Variants in CRHBP observed in about 807,000 individuals in gnomAD.
The protein encoded by CRHBP is corticotropin releasing hormone binding protein, also known as corticotropin-releasing hormone-binding protein.
CRHBP carries 19 observed loss-of-function variants against 34.9 expected under a neutral mutation model. The observed-to-expected ratio is 0.55, with a 90% CI of 0.38 to 0.80. The LOEUF is 0.80. Ranked by LOEUF, CRHBP falls within the 30% of genes least tolerant of loss-of-function variation. CRHBP has a pLI of 0.00. For synonymous variants in CRHBP, 154 were observed against 153.4 expected, an observed-to-expected ratio of 1.00 and a Z score of -0.03; for missense variants, 328 against 409.2, an observed-to-expected ratio of 0.80 and a Z score of 1.71.
chr5:76,973,982 GTTA>G (rs112354774), downstream of CRHBP, among the ~76,000 whole-genome samples: 136 of 147,184 alleles, frequency 9.2e-4, 1 homozygote, highest in Middle Eastern at 3.6e-3. Flanking sequence ...TTTCTAAATC[GTTA>G]TTATTATTAT....
At chr5:76,969,795 G>T (rs893495239), downstream of CRHBP, among the ~76,000 whole-genome samples, 2 of 152,124 alleles carry the variant, frequency 1.3e-5, no homozygotes, top group African/African-American at 4.8e-5. Flanking sequence ...ACAATTTGCA[G>T]AAATCTGAAT....
At chr5:76,975,775 G>A (rs1746014396) in intron 2 of CRHBP, among the ~76,000 whole-genome samples, 1 of 125,244 alleles carries the variant, frequency 8.0e-6, no homozygotes, top group South Asian at 2.6e-4. Flanking sequence ...CTGCACTCCA[G>A]CCTGGGCAAC....
At chr5:76,959,074 C>T (rs1308076025) in intron 5 of CRHBP, 185 bp downstream of exon 5, 5 of 531,432 alleles carry the variant, frequency 9.4e-6, no homozygotes, top group Admixed American at 3.8e-5. Context: ...TTCAGTTATG[C>T]GGCAAGTTGC....
At chr5:76,962,412 T>G (rs1391573843) in intron 5 of CRHBP, among the ~76,000 whole-genome samples, 1 of 152,078 alleles carries the variant, frequency 6.6e-6, no homozygotes, top group African/African-American at 2.4e-5. Flanking sequence ...AGAGTACTTT[T>G]GGGACTAAGA....
chr5:76,956,296 T>A (rs1745667424), intron 4 of CRHBP, among the ~76,000 whole-genome samples: 1 of 152,202 alleles, frequency 6.6e-6, no homozygotes, highest in African/African-American at 2.4e-5. Context: ...TAGACCGATG[T>A]CATGCCCTGA....
intron 6 of CRHBP, among the ~76,000 whole-genome samples, chr5:76,965,431 C>A (rs1413914299): frequency 6.6e-6 from 1 of 152,196 alleles, no homozygotes; most frequent in Non-Finnish European, 1.5e-5. Context: ...CTAGAGGATT[C>A]TCTAATGCTA....
At position 76,969,304 on chromosome 5, in the gene CRHBP, G is replaced by C. The variant is rs1745909355; in HGVS notation, c.*419G>C. The C allele has an allele frequency of 6.5e-6, 1 of 154,988 alleles. No homozygotes were observed. The allele number at this position is 154,988 out of a possible 1,614,324, so 9.6% of individuals were successfully genotyped here. A position where few individuals can be genotyped will look rare whatever the true frequency, so the allele number is the denominator to read the frequency against. On this transcript the variant is annotated 3_prime_UTR_variant, in exon 7 of 7. Coordinates refer to ENST00000274368, the MANE Select transcript of CRHBP (RefSeq NM_001882.4). ...AGGATAAAGTCTTGTGTATAGCAAAGTAGTTGCATCTGTTTATTTTCTATT... is the reference window on the plus strand; with the variant it reads ...AGGATAAAGTCTTGTGTATAGCAAACTAGTTGCATCTGTTTATTTTCTATT...
chr5:76,969,773 A>T (rs1269964647), downstream of CRHBP, among the ~76,000 whole-genome samples: 1 of 151,878 alleles, frequency 6.6e-6, no homozygotes, highest in Admixed American at 6.6e-5. Flanking sequence ...CCTTACAACA[A>T]CTCTCATAGA....
intron 3 of CRHBP, among the ~76,000 whole-genome samples, chr5:76,954,627 G>C (rs1745639562): frequency 6.6e-6 from 1 of 152,204 alleles, no homozygotes; most frequent in Admixed American, 6.5e-5. Context: ...ATCTGAGCCC[G>C]CCTCGCTCCT....
At chr5:76,971,613 T>A (rs1745945060), downstream of CRHBP, among the ~76,000 whole-genome samples, 1 of 152,170 alleles carries the variant, frequency 6.6e-6, no homozygotes, top group African/African-American at 2.4e-5. Context: ...CGTTTGAGGG[T>A]AGATCATGTC....
intron 6 of CRHBP, 63 bp from the exon 7 acceptor site, chr5:76,968,665 T>C (rs1417313118): frequency 6.6e-7 from 1 of 1,515,662 alleles, no homozygotes; most frequent in Non-Finnish European, 8.9e-7. Flanking sequence ...ATCCCGTCAT[T>C]TAAATGATGA....
At chr5:76,975,934 GTGTATA>G (rs1267693659) in intron 2 of CRHBP, among the ~76,000 whole-genome samples, 4 of 102,944 alleles carry the variant, frequency 3.9e-5, no homozygotes, top group African/African-American at 1.8e-4. Flanking sequence ...ATATGTGTGT[GTGTATA>G]TATATATATA....
At chr5:76,953,476 C>T in intron 1 of CRHBP, 125 bp from the exon 2 acceptor site, 1 of 1,069,872 alleles carries the variant, frequency 9.3e-7, no homozygotes, top group Non-Finnish European at 1.4e-6. Flanking sequence ...TCTCCGGACA[C>T]GGGAAAACAT....
chr5:76,960,758 G>GT lies in CRHBP; in HGVS notation c.693+1875dup, dbSNP rs1745764406. On this transcript the variant is annotated intron_variant, in intron 5 of 6. Transcript: ENST00000274368. ...ACAAGGAATGTAAGTACTTTTTATT[G>GT]TTTTTTGTTTTTTGTTTTTTTTTTG... Among the ~76,000 whole-genome samples the GT allele has an allele frequency of 2.2e-5, 3 of 136,270 alleles. No homozygotes were observed. In the South Asian group the frequency reaches 6.8e-4, roughly 31 times the overall value. 89.4% of individuals were successfully genotyped at this position (136,270 alleles called of 152,430 possible). A position where few individuals can be genotyped will look rare whatever the true frequency, so the allele number is the denominator to read the frequency against.
Position 76,959,093 on chromosome 5 carries a change from G to A in CRHBP, c.693+204G>A, listed in dbSNP as rs1357390748. On this transcript the variant is annotated intron_variant, in intron 5 of 6. Coordinates refer to ENST00000274368, the MANE Select transcript of CRHBP (RefSeq NM_001882.4). ...GTTATGCGGCAAGTTGCATACTCAG[G>A]TGCCCCTTCTGACTACTTGAATACT... 3.2e-5 allele frequency: 16 copies of A among 494,690 alleles called. No individual in the cohort carries two copies. In the East Asian group the frequency reaches 5.3e-4, roughly 16 times the overall value. The allele number at this position is 494,690 out of a possible 1,614,324, so 30.6% of individuals were successfully genotyped here. A position where few individuals can be genotyped will look rare whatever the true frequency, so the allele number is the denominator to read the frequency against.
intron 3 of CRHBP, 25 bp downstream of exon 3, chr5:76,954,211 C>T (rs755422412): frequency 4.4e-6 from 7 of 1,607,258 alleles, no homozygotes. Context: ...GCCAGCCAAC[C>T]TAGCCGGAGG....
intron 6 of CRHBP, among the ~76,000 whole-genome samples, chr5:76,966,131 G>A (rs972140329): frequency 2.0e-5 from 3 of 152,142 alleles, no homozygotes; most frequent in Non-Finnish European, 4.4e-5. Flanking sequence ...TGATTCTCCT[G>A]CCTCTGCCTC....
At chr5:76,958,973 C>A in intron 5 of CRHBP, 84 bp downstream of exon 5, 1 of 1,435,992 alleles carries the variant, frequency 7.0e-7, no homozygotes, top group Non-Finnish European at 9.5e-7. Flanking sequence ...AAAACCTGGA[C>A]ACTAGCAAAT....
rs144243400 is a variant in CRHBP at position 76,963,810 on chromosome 5, T to C, written c.811+350T>C. Among the ~76,000 whole-genome samples, 197 of 152,354 alleles carry C rather than the reference T, an allele frequency of 1.3e-3. 1 individual carries two copies. The highest frequency in any genetic ancestry group is 4.5e-3 in the African/African-American group (188 of 41,584). The stretch of plus-strand genomic sequence containing the variant: ...AAACACTTATGGTTCAAATAGTAGA[T>C]GTATCATCAATTAGTAATAGGATAA... On this transcript the variant is annotated intron_variant, in intron 6 of 6. Coordinates refer to ENST00000274368, the MANE Select transcript of CRHBP (RefSeq NM_001882.4).
Sources: allele counts gnomAD v4.1 joint callset (sites outside exome capture counted in the v4.1 genomes callset), GRCh38; gene constraint gnomAD v4.1.1; transcripts MANE v1.5; gene names NCBI Gene and HGNC (gene_info 2026-07-23, HGNC 2026-07-21).